Variants in MTHFD1L observed in about 807,000 individuals in gnomAD.
The protein encoded by MTHFD1L is monofunctional C1-tetrahydrofolate synthase, mitochondrial.
A neutral mutation model predicts 119.5 loss-of-function variants in MTHFD1L; 81 were observed. The ratio of observed to expected loss-of-function variants is 0.68; its 90% CI spans 0.57 to 0.82. The LOEUF (loss-of-function observed/expected upper bound fraction) is 0.82. Ranked by LOEUF, MTHFD1L falls within the 40% of genes least tolerant of loss-of-function variation. The pLI, the probability that MTHFD1L is intolerant of heterozygous loss-of-function variation, is 0.00. For missense variants in MTHFD1L, 1,125 were observed against 1,253.4 expected, an observed-to-expected ratio of 0.90 and a Z score of 1.55; for synonymous variants, 430 against 475.2, an observed-to-expected ratio of 0.90 and a Z score of 1.24.
intron 22 of MTHFD1L, among the ~76,000 whole-genome samples, chr6:151,014,435 T>C (rs1441464831): frequency 6.6e-6 from 1 of 152,262 alleles, no homozygotes; most frequent in African/African-American, 2.4e-5. Context: ...AAGGTCTATA[T>C]ACAGTTGGCT....
At chr6:151,055,531 T>G (rs1469839539) in intron 26 of MTHFD1L, among the ~76,000 whole-genome samples, 4 of 150,188 alleles carry the variant, frequency 2.7e-5, no homozygotes, top group African/African-American at 7.4e-5. Context: ...CTTTTTTTTT[T>G]TTTTTTGTTT....
chr6:150,977,984 T>C (rs1776856147), intron 20 of MTHFD1L, among the ~76,000 whole-genome samples: 1 of 149,942 alleles, frequency 6.7e-6, no homozygotes, highest in Non-Finnish European at 1.5e-5. Flanking sequence ...CACGGTGACC[T>C]CCACCTCCCA....
intron 11 of MTHFD1L, among the ~76,000 whole-genome samples, chr6:150,928,876 CA>C (rs1202155717): frequency 2.0e-5 from 3 of 152,162 alleles, no homozygotes; most frequent in African/African-American, 7.2e-5. Context: ...GACAGACAGC[CA>C]GGGCCTCTCT....
At chr6:150,968,994 G>A (rs1315845002) in intron 19 of MTHFD1L, among the ~76,000 whole-genome samples, 2 of 151,398 alleles carry the variant, frequency 1.3e-5, no homozygotes, top group Admixed American at 6.6e-5. Context: ...GATTACAGGC[G>A]CCCGCTACCA....
At chr6:150,948,050 C>A (rs896922066) in intron 15 of MTHFD1L, among the ~76,000 whole-genome samples, 2 of 151,998 alleles carry the variant, frequency 1.3e-5, no homozygotes, top group Non-Finnish European at 2.9e-5. Flanking sequence ...TCTTGTTGCC[C>A]AGGCTGGAGT....
At chr6:150,897,104 G>T (rs915025510) in intron 7 of MTHFD1L, among the ~76,000 whole-genome samples, 1 of 152,052 alleles carries the variant, frequency 6.6e-6, no homozygotes, top group Non-Finnish European at 1.5e-5. Context: ...GCAATAGAGT[G>T]AGACTCCATC....
Position 150,941,325 on chromosome 6 carries a change from G to A in MTHFD1L, c.1440+2580G>A, listed in dbSNP as rs192422743. Among the ~76,000 whole-genome samples, 548 of 152,264 alleles carry A rather than the reference G, an allele frequency of 3.6e-3. 1 individual carries two copies. The highest frequency in any genetic ancestry group is 0.012 in the African/African-American group (505 of 41,552). On this transcript the variant is annotated intron_variant, in intron 13 of 27. Transcript: ENST00000367321. ...GGTTGAGGTAGAGAAGTGTGCAGGCGCCAGCTCTGTCGAGCGATTGCAATT... is the reference window on the plus strand; with the variant it reads ...GGTTGAGGTAGAGAAGTGTGCAGGCACCAGCTCTGTCGAGCGATTGCAATT...
intron 1 of MTHFD1L, 131 bp downstream of exon 1, chr6:150,866,180 G>A (rs1778264524): frequency 2.2e-6 from 3 of 1,363,086 alleles, no homozygotes; most frequent in Non-Finnish European, 1.9e-6. Flanking sequence ...CATTAGGGGG[G>A]CCGGGCGGTG....
chr6:150,919,675 A>G (rs7742959), intron 9 of MTHFD1L, among the ~76,000 whole-genome samples: 13,817 of 152,112 alleles, frequency 0.091, 879 homozygotes, highest in African/African-American at 0.17. Context: ...GGATGGTGCT[A>G]TATACTTTTA....
chr6:150,870,200 T>G (rs1354403703), intron 1 of MTHFD1L, among the ~76,000 whole-genome samples: 3 of 152,334 alleles, frequency 2.0e-5, no homozygotes, highest in East Asian at 1.9e-4. Context: ...CCCACTGTCC[T>G]CAACCAAAGT....
chr6:151,089,755 G>A (rs1794208804), intron 26 of MTHFD1L, among the ~76,000 whole-genome samples: 1 of 152,258 alleles, frequency 6.6e-6, no homozygotes, highest in Admixed American at 6.5e-5. Context: ...GTTTCAAGTA[G>A]TAGAACAGTA....
chr6:150,896,848 C>T (rs1370960023), intron 7 of MTHFD1L, among the ~76,000 whole-genome samples: 1 of 152,008 alleles, frequency 6.6e-6, no homozygotes, highest in African/African-American at 2.4e-5. Flanking sequence ...GTGGCTCACA[C>T]CTGTAACCCC....
At chr6:150,893,492 G>T (rs1234003615) in intron 7 of MTHFD1L, among the ~76,000 whole-genome samples, 1 of 152,198 alleles carries the variant, frequency 6.6e-6, no homozygotes, top group African/African-American at 2.4e-5. Context: ...ATAAGCTTAG[G>T]ATTATGGCTA....
intron 20 of MTHFD1L, among the ~76,000 whole-genome samples, chr6:150,986,236 G>A (rs532550416): frequency 6.6e-6 from 1 of 152,252 alleles, no homozygotes; most frequent in East Asian, 1.9e-4. Context: ...TGCAGAACTT[G>A]GGCAAGTTTT....
intron 16 of MTHFD1L, 79 bp downstream of exon 16, chr6:150,949,212 CT>C: frequency 8.7e-7 from 1 of 1,146,092 alleles, no homozygotes; most frequent in Non-Finnish European, 1.3e-6. Context: ...AATTCAGAAA[CT>C]TACAGTTTGA....
intron 24 of MTHFD1L, among the ~76,000 whole-genome samples, chr6:151,026,819 C>CATTT (rs1784658926): frequency 3.7e-5 from 2 of 53,884 alleles, no homozygotes; most frequent in African/African-American, 6.0e-5. Flanking sequence ...TCCTTTCTAT[C>CATTT]CTTTTTTTTT....
intron 8 of MTHFD1L, among the ~76,000 whole-genome samples, chr6:150,916,481 TTTTTTTTTTTTTTTTTTTG>T (rs1249358057): frequency 6.0e-4 from 30 of 50,080 alleles, no homozygotes; most frequent in Admixed American, 1.2e-3. Flanking sequence ...TTTTTTTTTT[TTTTTTTTTTTTTTTTTTTG>T]GTATTTTTAG....
chr6:150,876,066 A>G (rs1426931662), intron 1 of MTHFD1L, 24 bp from the exon 2 acceptor site: 6 of 1,537,850 alleles, frequency 3.9e-6, no homozygotes, highest in Middle Eastern at 3.4e-4. Flanking sequence ...AGAAATCACA[A>G]TGTTGTTTTC....
chr6:150,964,763 A>G (rs1796953394), intron 18 of MTHFD1L, among the ~76,000 whole-genome samples: 2 of 152,222 alleles, frequency 1.3e-5, no homozygotes, highest in African/African-American at 2.4e-5. Flanking sequence ...CTATTACCCC[A>G]TCACCATTCA....
Sources: gnomAD v4.1 joint callset for allele counts (sites outside exome capture counted in the v4.1 genomes callset) on GRCh38, gnomAD v4.1.1 for gene constraint, MANE v1.5 for transcripts, NCBI Gene and HGNC (gene_info 2026-07-23, HGNC 2026-07-21) for gene names.